HES5: variants seen among roughly 807,000 people sequenced by gnomAD.
HES5 encodes hes family bHLH transcription factor 5.
Under a neutral mutation model 9.6 loss-of-function variants are expected in HES5, and 12 were observed. The observed-to-expected ratio is 1.25, with a 90% CI of 0.80 to 2.03. The LOEUF is 2.03. HES5 is among the 30% of genes most tolerant of loss of function. HES5 has a pLI of 0.00. For missense variants in HES5, 255 were observed against 218.6 expected, an observed-to-expected ratio of 1.17 and a Z score of -1.05; for synonymous variants, 131 against 102.4, an observed-to-expected ratio of 1.28 and a Z score of -1.69.
At position 2,530,243 on chromosome 1, in the gene HES5, G is replaced by T. The variant is rs1643989587; in HGVS notation, c.-79C>A. 8.1e-7 allele frequency: 1 copy of T among 1,238,518 alleles called. No homozygotes were observed. The highest frequency in any genetic ancestry group is 1.0e-6 in the Non-Finnish European group (1 of 973,508). The allele number at this position is 1,238,518 out of a possible 1,614,324, so 76.7% of individuals were successfully genotyped here. Reference sequence around the variant, plus strand: ...CGAGCGGGCGCGGGCAAGGCCAAGCGCGTCCCGGGCTGGCGCGGACACCGG... The same window carrying T: ...CGAGCGGGCGCGGGCAAGGCCAAGCTCGTCCCGGGCTGGCGCGGACACCGG... On this transcript the variant is annotated 5_prime_UTR_variant, in exon 1 of 3. Transcript: ENST00000378453.
rs995454478 is a variant in HES5, at chr1:2,529,070, C to T, written c.*399G>A. 1 of 152,580 alleles carries T rather than the reference C, an allele frequency of 6.6e-6. No individual in the cohort carries two copies. The highest frequency in any genetic ancestry group is 6.5e-5 in the Admixed American group (1 of 15,286). The allele number at this position is 152,580 out of a possible 1,614,324, so 9.5% of individuals were successfully genotyped here. On this transcript the variant is annotated 3_prime_UTR_variant, in exon 3 of 3. Transcript: ENST00000378453. This position sits in a 1 kb window ranked among gnomAD's most constrained non-coding sequence, Gnocchi z 4.5. ...AGGCAAATGTGCCCGCGGCACAGCC[C>T]GCCTGCCAGGGGTACGCCCAGCAGC...
rs753325453 is a variant in HES5 at position 2,529,924 on chromosome 1, C to G, written c.142G>C (p.Ala48Pro). 1 of 1,607,438 alleles carries G rather than the reference C, an allele frequency of 6.2e-7. No individual in the cohort carries two copies. The highest frequency in any genetic ancestry group is 1.1e-5 in the South Asian group (1 of 90,022). ...QLKLLLEQEF[A>P]RHQPNSKLEK... ...AGCTTGGAGTTGGGCTGGTGCCGCG[C>G]GAACTCCTGCTCCAGCAGCAGCTTC... is the stretch of plus-strand genomic sequence containing the variant. The change falls in exon 2 of 3, where the codon GCG (alanine) becomes CCG (proline). Residue 48 changes from alanine to proline, a missense_variant. Coordinates refer to ENST00000378453, the MANE Select transcript of HES5 (RefSeq NM_001010926.4). The surrounding 1 kb of genome is among the most constrained non-coding windows in gnomAD (Gnocchi z 4.5).
At position 2,529,889 on chromosome 1, in the gene HES5, G is replaced by A; in HGVS notation, c.177C>T (p.Ala59=). Residue 59 remains alanine (A), a synonymous_variant, in exon 2 of 3, where the codon GCC becomes GCT. Coordinates refer to ENST00000378453, the MANE Select transcript of HES5 (RefSeq NM_001010926.4). The surrounding 1 kb of genome is among the most constrained non-coding windows in gnomAD (Gnocchi z 4.5). ...AGCTGACAGCCATCTCCAGGATGTC[G>A]GCCTTCTCCAGCTTGGAGTTGGGCT... ...RHQPNSKLEK[A]DILEMAVSYL... 3.1e-6 allele frequency: 5 copies of A among 1,602,576 alleles called. No individual in the cohort carries two copies. The highest frequency in any genetic ancestry group is 1.7e-4 in the Middle Eastern group (1 of 6,038).
Position 2,529,664 on chromosome 1 carries a change from G to C in HES5, c.306C>G (p.Phe102Leu). ...YSWCLQEAVQ[F>L]LTLHAASDTQ... is the part of the protein sequence containing the mutation. ...TGTCGCTGGCGGCGTGGAGCGTCAG[G>C]AACTGCACGGCCTCCTGCAGGCACC... Residue 102 changes from phenylalanine (F) to leucine (L), a missense_variant, in exon 3 of 3, where the codon TTC (phenylalanine) becomes TTG (leucine). Transcript: ENST00000378453. This position sits in a 1 kb window ranked among gnomAD's most constrained non-coding sequence, Gnocchi z 4.5. 2 of 1,326,120 alleles carry C rather than the reference G, an allele frequency of 1.5e-6. No individual in the cohort carries two copies. Among genetic ancestry groups the C allele is most frequent in the East Asian group, 7.0e-5 (2 of 28,586 alleles). 82.1% of individuals were successfully genotyped at this position (1,326,120 alleles called of 1,614,324 possible).
In HES5 at chr1:2,530,119, T is replaced by C. The variant is rs746394534; in HGVS notation, c.46A>G (p.Lys16Glu). ...VAVELLSPKE[K>E]NRLRKPVVEK... ...GCGAGTCTGGTACTTACTCGGTTTTTCTCTTTGGGGCTGAGCAGCTCCACG... is the reference window on the plus strand; with the variant it reads ...GCGAGTCTGGTACTTACTCGGTTTTCCTCTTTGGGGCTGAGCAGCTCCACG... The change falls in exon 1 of 3, where the codon AAA becomes GAA. Residue 16 changes from lysine (K) to glutamate (E), a missense_variant. Coordinates refer to ENST00000378453, the MANE Select transcript of HES5 (RefSeq NM_001010926.4). 4 of 1,566,840 alleles carry C rather than the reference T, an allele frequency of 2.6e-6. No individual in the cohort carries two copies. The South Asian group carries it at 3.5e-5, about 14-fold the overall frequency.
Position 2,529,986 on chromosome 1 carries a change from A to T in HES5, c.80T>A (p.Met27Lys). 6.2e-7 allele frequency: 1 copy of T among 1,607,596 alleles called. No homozygotes were observed. Among genetic ancestry groups the T allele is most frequent in the Non-Finnish European group, 8.5e-7 (1 of 1,176,724 alleles). ...GCTGCTGTTGATGCGGTCGCGGCGCATCTTCTCCACCACCGGCTTCCGCAG... is the reference window on the plus strand; with the variant it reads ...GCTGCTGTTGATGCGGTCGCGGCGCTTCTTCTCCACCACCGGCTTCCGCAG... ...NRLRKPVVEK[M>K]RRDRINSSIE... Residue 27 changes from methionine (M) to lysine (K), a missense_variant, in exon 2 of 3, where the codon ATG (methionine) becomes AAG (lysine). Met to Lys is a moderately conservative substitution (Grantham distance 95). Transcript: ENST00000378453. This position sits in a 1 kb window ranked among gnomAD's most constrained non-coding sequence, Gnocchi z 4.5.
Position 2,529,767 on chromosome 1 carries a change from G to A in HES5, c.221-18C>T. On this transcript the variant is annotated intron_variant, in intron 2 of 2. Coordinates refer to ENST00000378453, the MANE Select transcript of HES5 (RefSeq NM_001010926.4). This position sits in a 1 kb window ranked among gnomAD's most constrained non-coding sequence, Gnocchi z 4.5. ...GACGAAGGCTGCGGGGAGACGCGGC[G>A]GCGGTGAGCGGGCGGCGGGGCGCGG... 1 of 1,243,882 alleles carries A rather than the reference G, an allele frequency of 8.0e-7. No individual in the cohort carries two copies. The highest frequency in any genetic ancestry group is 1.0e-6 in the Non-Finnish European group (1 of 988,536). The allele number at this position is 1,243,882 out of a possible 1,614,324, so 77.1% of individuals were successfully genotyped here. A position where few individuals can be genotyped will look rare whatever the true frequency, so the allele number is the denominator to read the frequency against.
In HES5 at chr1:2,529,686, C is replaced by T; in HGVS notation, c.284G>A (p.Cys95Tyr). The T allele has an allele frequency of 7.6e-7, 1 of 1,313,994 alleles. No homozygotes were observed. The highest frequency in any genetic ancestry group is 9.8e-7 in the Non-Finnish European group (1 of 1,016,482). 81.4% of individuals were successfully genotyped at this position (1,313,994 alleles called of 1,614,324 possible). A position where few individuals can be genotyped will look rare whatever the true frequency, so the allele number is the denominator to read the frequency against. Residue 95 changes from cysteine (C) to tyrosine (Y), a missense_variant, in exon 3 of 3, where the codon TGC (cysteine) becomes TAC (tyrosine). Physicochemically the swap from Cys to Tyr is radical, Grantham distance 194 (BLOSUM62 -2). Coordinates refer to ENST00000378453, the MANE Select transcript of HES5 (RefSeq NM_001010926.4). This position sits in a 1 kb window ranked among gnomAD's most constrained non-coding sequence, Gnocchi z 4.5. ...CAGGAACTGCACGGCCTCCTGCAGG[C>T]ACCACGAGTAGCCTTCGCTGTAGTC... is the stretch of plus-strand genomic sequence containing the variant. ...HQDYSEGYSW[C>Y]LQEAVQFLTL...
In HES5 at chr1:2,529,842, T is replaced by C. The variant is rs1408429887; in HGVS notation, c.220+4A>G. 6.8e-7 allele frequency: 1 copy of C among 1,463,170 alleles called. No homozygotes were observed. The highest frequency in any genetic ancestry group is 2.8e-5 in the East Asian group (1 of 36,054). The allele number at this position is 1,463,170 out of a possible 1,614,324, so 90.6% of individuals were successfully genotyped here. On this transcript the variant is annotated splice_donor_region_variant and intron_variant, in intron 2 of 2. Coordinates refer to ENST00000378453, the MANE Select transcript of HES5 (RefSeq NM_001010926.4). This position sits in a 1 kb window ranked among gnomAD's most constrained non-coding sequence, Gnocchi z 4.5. ...CGGGGCGCGGGGGGCCCGGGCGCGC[T>C]CACCTTTGCTGTGCTTCAGGTAGCT...
Position 2,529,576 on chromosome 1 carries a change from CCTTGGCGGG to C in HES5, c.385_393del (p.Pro129_Lys131del). ...GGCGCGGCGCCCGGCGCCTTGGGCTCCTTGGCGGGCGCGGCGGGCGCGGCCGGGGGCCGC... is the reference window on the plus strand; with the variant it reads ...GGCGCGGCGCCCGGCGCCTTGGGCTCCGCGGCGGGCGCGGCCGGGGGCCGC... On this transcript the variant is annotated inframe_deletion, in exon 3 of 3. Coordinates refer to ENST00000378453, the MANE Select transcript of HES5 (RefSeq NM_001010926.4). The surrounding 1 kb of genome is among the most constrained non-coding windows in gnomAD (Gnocchi z 4.5). 3 of 1,157,204 alleles carry C rather than the reference CCTTGGCGGG, an allele frequency of 2.6e-6. No homozygotes were observed. The highest frequency in any genetic ancestry group is 3.2e-6 in the Non-Finnish European group (3 of 931,070). The allele number at this position is 1,157,204 out of a possible 1,614,324, so 71.7% of individuals were successfully genotyped here. A position where few individuals can be genotyped will look rare whatever the true frequency, so the allele number is the denominator to read the frequency against.
chr1:2,529,755 G>A lies in HES5; in HGVS notation c.221-6C>T, dbSNP rs1156925735. ...GCCGGCGGCGGCGACGAAGGCTGCG[G>A]GGAGACGCGGCGGCGGTGAGCGGGC... On this transcript the variant is annotated splice_region_variant and splice_polypyrimidine_tract_variant and intron_variant, in intron 2 of 2. Coordinates refer to ENST00000378453, the MANE Select transcript of HES5 (RefSeq NM_001010926.4). This position sits in a 1 kb window ranked among gnomAD's most constrained non-coding sequence, Gnocchi z 4.5. The A allele has an allele frequency of 3.8e-5, 47 of 1,245,394 alleles. No individual in the cohort carries two copies. In the East Asian group the frequency reaches 1.6e-3, roughly 42 times the overall value. The allele number at this position is 1,245,394 out of a possible 1,614,324, so 77.1% of individuals were successfully genotyped here. A position where few individuals can be genotyped will look rare whatever the true frequency, so the allele number is the denominator to read the frequency against.
chr1:2,529,534 C>T lies in HES5; in HGVS notation c.436G>A (p.Ala146Thr). The T allele has an allele frequency of 9.4e-7, 1 of 1,061,932 alleles. No individual in the cohort carries two copies. The highest frequency in any genetic ancestry group is 1.1e-6 in the Non-Finnish European group (1 of 879,946). The allele number at this position is 1,061,932 out of a possible 1,614,324, so 65.8% of individuals were successfully genotyped here. ...PGAAPPPALS[A>T]KATAAAAAAH... ...GCGGCGGCGGCGGCGGTGGCCTTGG[C>T]GGAGAGCGCGGGCGGGGGCGCGGCG... is the stretch of plus-strand genomic sequence containing the variant. Residue 146 changes from alanine to threonine, a missense_variant, in exon 3 of 3, where the codon GCC (alanine) becomes ACC (threonine). Transcript: ENST00000378453. This position sits in a 1 kb window ranked among gnomAD's most constrained non-coding sequence, Gnocchi z 4.5.
Position 2,530,175 on chromosome 1 carries a change from G to C in HES5, c.-11C>G. The C allele has an allele frequency of 1.3e-6, 2 of 1,493,584 alleles. No individual in the cohort carries two copies. The highest frequency in any genetic ancestry group is 1.8e-6 in the Non-Finnish European group (2 of 1,118,338). 92.5% of individuals were successfully genotyped at this position (1,493,584 alleles called of 1,614,324 possible). On this transcript the variant is annotated 5_prime_UTR_variant, in exon 1 of 3. Coordinates refer to ENST00000378453, the MANE Select transcript of HES5 (RefSeq NM_001010926.4). Reference sequence around the variant, plus strand: ...AGTGCTGGGGGCCATGCCTGGCGCGGAACAGGCGACGAGGCGACGCGGGGA... The same window carrying C: ...AGTGCTGGGGGCCATGCCTGGCGCGCAACAGGCGACGAGGCGACGCGGGGA...
In HES5 at chr1:2,529,800, G is replaced by C; in HGVS notation, c.220+46C>G. On this transcript the variant is annotated intron_variant, in intron 2 of 2. Transcript: ENST00000378453. The surrounding 1 kb of genome is among the most constrained non-coding windows in gnomAD (Gnocchi z 4.5). ...GCGGGCGGCGGGGCGCGGGGGAGCC[G>C]GGGCGCGGTGGGAACTCGGGGCGCG... 1 of 1,301,080 alleles carries C rather than the reference G, an allele frequency of 7.7e-7. No individual in the cohort carries two copies. Among genetic ancestry groups the C allele is most frequent in the Non-Finnish European group, 9.9e-7 (1 of 1,014,942 alleles). 80.6% of individuals were successfully genotyped at this position (1,301,080 alleles called of 1,614,324 possible).
rs1359623062 is a variant in HES5 at position 2,529,669 on chromosome 1, G to A, written c.301C>T (p.Gln101Ter). Residue 101 changes from glutamine to a stop codon, truncating the protein, a stop_gained, in exon 3 of 3, where the codon CAG becomes TAG. Coordinates refer to ENST00000378453, the MANE Select transcript of HES5 (RefSeq NM_001010926.4). LOFTEE classifies it low-confidence loss of function (END_TRUNC). This position sits in a 1 kb window ranked among gnomAD's most constrained non-coding sequence, Gnocchi z 4.5. ...CTGGCGGCGTGGAGCGTCAGGAACT[G>A]CACGGCCTCCTGCAGGCACCACGAG... ...GYSWCLQEAV[Q>*]FLTLHAASDT... 1 of 1,323,876 alleles carries A rather than the reference G, an allele frequency of 7.6e-7. No homozygotes were observed. The allele number at this position is 1,323,876 out of a possible 1,614,324, so 82.0% of individuals were successfully genotyped here.
chr1:2,529,825 G>T lies in HES5; in HGVS notation c.220+21C>A, dbSNP rs375494532. On this transcript the variant is annotated intron_variant, in intron 2 of 2. Transcript: ENST00000378453. This position sits in a 1 kb window ranked among gnomAD's most constrained non-coding sequence, Gnocchi z 4.5. The stretch of plus-strand genomic sequence containing the variant: ...GGGGCGCGGTGGGAACTCGGGGCGC[G>T]GGGGGCCCGGGCGCGCTCACCTTTG... The T allele has an allele frequency of 4.4e-4, 619 of 1,396,218 alleles. 1 individual carries two copies. The African/African-American group carries it at 8.3e-3, about 19-fold the overall frequency. The allele number at this position is 1,396,218 out of a possible 1,614,324, so 86.5% of individuals were successfully genotyped here. A position where few individuals can be genotyped will look rare whatever the true frequency, so the allele number is the denominator to read the frequency against.
In HES5 at chr1:2,529,790, C is replaced by T; in HGVS notation, c.221-41G>A. 5.5e-6 allele frequency: 7 copies of T among 1,266,584 alleles called. No homozygotes were observed. Among genetic ancestry groups the T allele is most frequent in the African/African-American group, 1.6e-5 (1 of 63,490 alleles). The allele number at this position is 1,266,584 out of a possible 1,614,324, so 78.5% of individuals were successfully genotyped here. On this transcript the variant is annotated intron_variant, in intron 2 of 2. Coordinates refer to ENST00000378453, the MANE Select transcript of HES5 (RefSeq NM_001010926.4). The surrounding 1 kb of genome is among the most constrained non-coding windows in gnomAD (Gnocchi z 4.5). ...GCGGCGGTGAGCGGGCGGCGGGGCG[C>T]GGGGGAGCCGGGGCGCGGTGGGAAC...
Position 2,529,442 on chromosome 1 carries a change from G to A in HES5, c.*27C>T, listed in dbSNP as rs973830311. The A allele has an allele frequency of 8.6e-5, 92 of 1,067,384 alleles. No homozygotes were observed. The Middle Eastern group carries it at 4.3e-3, about 50-fold the overall frequency. The allele number at this position is 1,067,384 out of a possible 1,614,324, so 66.1% of individuals were successfully genotyped here. A position where few individuals can be genotyped will look rare whatever the true frequency, so the allele number is the denominator to read the frequency against. ...GAGCAGGCTCGCCCTCTGGTCGTCG[G>A]GCCGCGCGCCCGCAGGTCCCGCCGG... On this transcript the variant is annotated 3_prime_UTR_variant, in exon 3 of 3. Coordinates refer to ENST00000378453, the MANE Select transcript of HES5 (RefSeq NM_001010926.4). The surrounding 1 kb of genome is among the most constrained non-coding windows in gnomAD (Gnocchi z 4.5).
chr1:2,529,340 G>T lies in HES5; in HGVS notation c.*129C>A. ...GCTCCTGCGGGCCGGCCAGCTTGGG[G>T]CCAGAGCCTTCCGGAGAAGGGCGCG... On this transcript the variant is annotated 3_prime_UTR_variant, in exon 3 of 3. Coordinates refer to ENST00000378453, the MANE Select transcript of HES5 (RefSeq NM_001010926.4). This position sits in a 1 kb window ranked among gnomAD's most constrained non-coding sequence, Gnocchi z 4.5. 1 of 909,814 alleles carries T rather than the reference G, an allele frequency of 1.1e-6. No homozygotes were observed. Among genetic ancestry groups the T allele is most frequent in the Non-Finnish European group, 1.3e-6 (1 of 759,374 alleles). The allele number at this position is 909,814 out of a possible 1,614,324, so 56.4% of individuals were successfully genotyped here.
Sources: allele counts gnomAD v4.1 joint callset, GRCh38; gene constraint gnomAD v4.1.1; non-coding constraint Gnocchi (gnomAD v3.1); transcripts MANE v1.5; gene names NCBI Gene and HGNC (gene_info 2026-07-23, HGNC 2026-07-21).